PLG: variants seen among roughly 807,000 people sequenced by gnomAD.
The protein encoded by PLG is plasminogen.
PLG carries 41 observed loss-of-function variants against 104.4 expected under a neutral mutation model. The ratio of observed to expected loss-of-function variants is 0.39; its 90% confidence interval spans 0.31 to 0.51. PLG has a LOEUF of 0.51. Ranked by LOEUF, PLG falls within the 20% of genes least tolerant of loss-of-function variation. The pLI is 0.76. For missense variants in PLG, 891 were observed against 1,003.6 expected (o/e 0.89, Z 1.52); for synonymous variants, 337 against 357.1 (o/e 0.94, Z 0.63).
chr6:160,717,880 G>T (rs1777765191), intron 7 of PLG, among the ~76,000 whole-genome samples: 1 of 152,176 alleles, frequency 6.6e-6, no homozygotes, highest in Non-Finnish European at 1.5e-5. Flanking sequence ...AAGAGAGGCT[G>T]AGCAAAAGCC....
In PLG at chr6:160,735,601, A is replaced by G. The variant is rs1037876952; in HGVS notation, c.1682-1286A>G. ...ACTTGGAAATCCTGAGGACTGTTTC[A>G]TGCAGAAGGATATGGTTTATTCAGG... On this transcript the variant is annotated intron_variant, in intron 13 of 18. Transcript: ENST00000308192. The surrounding 1 kb of genome is among the most constrained non-coding windows in gnomAD (Gnocchi z 5.4). Among the ~76,000 whole-genome samples the G allele has an allele frequency of 1.3e-5, 2 of 152,244 alleles. No homozygotes were observed. Among genetic ancestry groups the G allele is most frequent in the Non-Finnish European group, 2.9e-5 (2 of 68,044 alleles).
At chr6:160,751,649 GT>G (rs1778402028) in intron 17 of PLG, among the ~76,000 whole-genome samples, 1 of 152,082 alleles carries the variant, frequency 6.6e-6, no homozygotes. Context: ...TCATTAAGCA[GT>G]AGCTCCCCTT....
At chr6:160,727,629 A>T (rs1012136783) in intron 10 of PLG, among the ~76,000 whole-genome samples, 1 of 152,010 alleles carries the variant, frequency 6.6e-6, no homozygotes, top group Non-Finnish European at 1.5e-5. Flanking sequence ...CTTAACATTT[A>T]CAAAACAATC....
In PLG at chr6:160,723,185, T is replaced by C. The variant is rs548645376; in HGVS notation, c.1256+618T>C. On this transcript the variant is annotated intron_variant, in intron 10 of 18. Coordinates refer to ENST00000308192, the MANE Select transcript of PLG (RefSeq NM_000301.5). This position sits in a 1 kb window ranked among gnomAD's most constrained non-coding sequence, Gnocchi z 4.7. ...TATATAACATAAATATGTATATATA[T>C]ATATTCTGACCTGTATAAACACAGT... Among the ~76,000 whole-genome samples the C allele has an allele frequency of 2.1e-5, 3 of 142,554 alleles. No homozygotes were observed. Among genetic ancestry groups the C allele is most frequent in the South Asian group, 4.2e-4 (2 of 4,790 alleles). The allele number at this position is 142,554 out of a possible 152,430, so 93.5% of individuals were successfully genotyped here.
rs1233504248 is a variant in PLG at position 160,739,346 on chromosome 6, G to C, written c.2018+138G>C. 1 of 1,131,484 alleles carries C rather than the reference G, an allele frequency of 8.8e-7. No homozygotes were observed. Among genetic ancestry groups the C allele is most frequent in the African/African-American group, 1.5e-5 (1 of 65,236 alleles). The allele number at this position is 1,131,484 out of a possible 1,614,324, so 70.1% of individuals were successfully genotyped here. On this transcript the variant is annotated intron_variant, in intron 16 of 18. Transcript: ENST00000308192. The surrounding 1 kb of genome is among the most constrained non-coding windows in gnomAD (Gnocchi z 4.4). ...GAAAGGCTCAAGGGCTTTGGGGACA[G>C]CATCAATCTTCAACCCTAGCCCTGC...
In PLG at chr6:160,738,709, C is replaced by T. The variant is rs1260423739; in HGVS notation, c.1877+97C>T. The T allele has an allele frequency of 3.4e-6, 3 of 882,720 alleles. No homozygotes were observed. The highest frequency in any genetic ancestry group is 5.8e-6 in the Non-Finnish European group (3 of 519,978). The allele number at this position is 882,720 out of a possible 1,614,324, so 54.7% of individuals were successfully genotyped here. On this transcript the variant is annotated intron_variant, in intron 15 of 18. Transcript: ENST00000308192. The surrounding 1 kb of genome is among the most constrained non-coding windows in gnomAD (Gnocchi z 6.8). Reference sequence around the variant, plus strand: ...TCCTTTCCTTTCTCACTCTTCCTCCCTTCCTTCTCTGGCTGTGACACTAGG... The same window carrying T: ...TCCTTTCCTTTCTCACTCTTCCTCCTTTCCTTCTCTGGCTGTGACACTAGG...
intron 17 of PLG, among the ~76,000 whole-genome samples, chr6:160,743,842 CT>C (rs1324551430): frequency 6.6e-6 from 1 of 152,110 alleles, no homozygotes; most frequent in African/African-American, 2.4e-5. Context: ...CCTTCAGTAC[CT>C]AGTTTATTGA....
At chr6:160,718,220 C>T (rs1480492478) in intron 7 of PLG, 74 bp from the exon 8 acceptor site, 2 of 1,345,136 alleles carry the variant, frequency 1.5e-6, no homozygotes, top group Admixed American at 1.7e-5. Flanking sequence ...CCACTGACTC[C>T]AGCCTGGGCG....
intron 17 of PLG, among the ~76,000 whole-genome samples, chr6:160,746,546 A>G (rs1445676986): frequency 6.6e-6 from 1 of 152,072 alleles, no homozygotes; most frequent in Non-Finnish European, 1.5e-5. Context: ...TTTTATTGTG[A>G]TCCTCAATTT....
At position 160,731,071 on chromosome 6, in the gene PLG, G is replaced by A; in HGVS notation, c.1277G>A (p.Cys426Tyr). The A allele has an allele frequency of 6.2e-7, 1 of 1,613,988 alleles. No individual in the cohort carries two copies. The highest frequency in any genetic ancestry group is 8.5e-7 in the Non-Finnish European group (1 of 1,179,918). The change falls in exon 11 of 19, where the codon TGC (cysteine) becomes TAC (tyrosine). Residue 426 changes from cysteine (C) to tyrosine (Y), a missense_variant. Physicochemically the swap from Cys to Tyr is radical, Grantham distance 194. Around this residue, in one of 2 missense-constraint regions of PLG, gnomAD observed 854 missense variants for 932.1 expected, o/e 0.92. Transcript: ENST00000308192. The surrounding 1 kb of genome is among the most constrained non-coding windows in gnomAD (Gnocchi z 5.1). ...TCCAGTGGCCTGACAATGAACTACT[G>A]CAGGAATCCAGATGCCGATAAAGGC... ...YPNAGLTMNY[C>Y]RNPDADKGPW... is the part of the protein sequence containing the mutation.
chr6:160,710,046 C>G (rs551304598), intron 3 of PLG, among the ~76,000 whole-genome samples: 1 of 152,318 alleles, frequency 6.6e-6, no homozygotes, highest in African/African-American at 2.4e-5. Flanking sequence ...TGCTCCAGTG[C>G]AACATCTACA....
At chr6:160,705,175 T>C (rs1334468480) in intron 1 of PLG, among the ~76,000 whole-genome samples, 1 of 152,192 alleles carries the variant, frequency 6.6e-6, no homozygotes, top group Admixed American at 6.5e-5. Context: ...TTTTGGCCTC[T>C]CACCCTTGTG....
intron 2 of PLG, 76 bp from the exon 3 acceptor site, chr6:160,707,624 G>A (rs1777553776): frequency 7.1e-7 from 1 of 1,398,926 alleles, no homozygotes; most frequent in African/African-American, 1.4e-5. Flanking sequence ...TCTTTAGCAT[G>A]TCTCACTTAT....
chr6:160,742,347 C>A (rs1405645236), intron 17 of PLG, among the ~76,000 whole-genome samples: 1 of 152,190 alleles, frequency 6.6e-6, no homozygotes, highest in Non-Finnish European at 1.5e-5. Flanking sequence ...GGAAGCCATT[C>A]TGGCTGGTGT....
Position 160,741,560 on chromosome 6 carries a change from C to A in PLG, c.2125+143C>A. On this transcript the variant is annotated intron_variant, in intron 17 of 18. Coordinates refer to ENST00000308192, the MANE Select transcript of PLG (RefSeq NM_000301.5). This position sits in a 1 kb window ranked among gnomAD's most constrained non-coding sequence, Gnocchi z 4.7. ...CTCCTGATTTTGCCTGGGCACCTGT[C>A]TATGTCTTAATCAGTCTTCAAGGCA... 1.4e-6 allele frequency: 1 copy of A among 696,082 alleles called. No homozygotes were observed. Among genetic ancestry groups the A allele is most frequent in the Non-Finnish European group, 2.7e-6 (1 of 374,862 alleles). The allele number at this position is 696,082 out of a possible 1,614,324, so 43.1% of individuals were successfully genotyped here.
chr6:160,737,042 C>T lies in PLG; in HGVS notation c.1802+35C>T. 1 of 1,610,718 alleles carries T rather than the reference C, an allele frequency of 6.2e-7. No individual in the cohort carries two copies. The highest frequency in any genetic ancestry group is 8.5e-7 in the Non-Finnish European group (1 of 1,179,014). ...GGCCCAGAAACGATTTATACTGTCC[C>T]TCCACGTAAGCCCTGCAAAACCCTT... On this transcript the variant is annotated intron_variant, in intron 14 of 18. Coordinates refer to ENST00000308192, the MANE Select transcript of PLG (RefSeq NM_000301.5). This position sits in a 1 kb window ranked among gnomAD's most constrained non-coding sequence, Gnocchi z 4.7.
chr6:160,716,684 C>T lies in PLG; in HGVS notation c.708C>T (p.Asn236=), dbSNP rs1489906725. 1.2e-6 allele frequency: 2 copies of T among 1,613,438 alleles called. No homozygotes were observed. Among genetic ancestry groups the T allele is most frequent in the Admixed American group, 1.7e-5 (1 of 60,030 alleles). Residue 236 remains asparagine, a synonymous_variant, in exon 7 of 19, where the codon AAC becomes AAT. Transcript: ENST00000308192. ...NKNLKKNYCR[N]PDRELRPWCF... ...ACCTGAAGAAGAATTACTGTCGTAA[C>T]CCCGATAGGGAGCTGCGGCCTTGGT...
intron 5 of PLG, chr6:160,713,364 G>T (rs993495321): frequency 2.0e-5 from 9 of 445,828 alleles, no homozygotes; most frequent in African/African-American, 1.6e-4. Flanking sequence ...TCCGCCTCCG[G>T]GTTCAAGAGA....
chr6:160,704,168 C>T (rs146424543), intron 1 of PLG, among the ~76,000 whole-genome samples: 1,885 of 152,204 alleles, frequency 0.012, 41 homozygotes, highest in African/African-American at 0.043. Context: ...TGTTTCCTTG[C>T]CAGCAAATAA....
Sources: allele counts gnomAD v4.1 joint callset (sites outside exome capture counted in the v4.1 genomes callset), GRCh38; gene constraint gnomAD v4.1.1; regional missense constraint gnomAD v4.1.1; non-coding constraint Gnocchi (gnomAD v3.1); transcripts MANE v1.5; gene names NCBI Gene and HGNC (gene_info 2026-07-23, HGNC 2026-07-21).